The following FAAH2 variants were observed in gnomAD, a reference collection of about 807,000 sequenced individuals.
FAAH2 encodes the protein fatty-acid amide hydrolase 2.
Under a neutral mutation model 36.9 loss-of-function variants are expected in FAAH2, and 60 were observed. The ratio of observed to expected loss-of-function variants is 1.63; its 90% CI spans 1.32 to 2.02. The LOEUF is 2.02. Ranked by LOEUF, FAAH2 falls within the 30% of genes most tolerant of loss-of-function variation. The pLI, the probability that FAAH2 is intolerant of heterozygous loss-of-function variation, is 0.00. For synonymous variants in FAAH2, 214 were observed against 143.8 expected (o/e 1.49, Z -3.49); for missense variants, 689 against 397.5 (o/e 1.73, Z -6.23).
intron 10 of FAAH2, among the ~76,000 whole-genome samples, chrX:57,475,484 T>C (rs768128061): frequency 4.5e-5 from 5 of 112,124 alleles, no homozygotes; most frequent in Non-Finnish European, 9.4e-5. Flanking sequence ...GTCAGGTTTA[T>C]TGAAGATCAG....
At chrX:57,420,870 C>A in intron 7 of FAAH2, among the ~76,000 whole-genome samples, 1 of 111,586 alleles carries the variant, frequency 9.0e-6, no homozygotes, top group Middle Eastern at 4.6e-3. Flanking sequence ...TCATAGATAG[C>A]TCTTATTATT....
chrX:57,153,857 T>C, the FAAH2 span, among the ~76,000 whole-genome samples: 1 of 112,820 alleles, frequency 8.9e-6, no homozygotes, highest in South Asian at 3.6e-4. Context: ...CTTTTTGAGA[T>C]GAATTTCCCA....
At chrX:57,218,051 T>C in the FAAH2 span, among the ~76,000 whole-genome samples, 2 of 112,198 alleles carry the variant, frequency 1.8e-5, no homozygotes, top group African/African-American at 6.5e-5. Flanking sequence ...TAATCTTGTA[T>C]CCAGAAACTT....
At chrX:57,355,693 A>G (rs1329169166) in intron 5 of FAAH2, among the ~76,000 whole-genome samples, 2 of 109,398 alleles carry the variant, frequency 1.8e-5, no homozygotes, top group Admixed American at 2.0e-4. Flanking sequence ...CTCTTTATGG[A>G]CTCTTTAGGG....
intron 7 of FAAH2, chrX:57,393,378 GA>G: frequency 1.4e-6 from 1 of 729,273 alleles, no homozygotes; most frequent in Non-Finnish European, 2.2e-6. Flanking sequence ...TGAGGGTGGA[GA>G]CCGGAATACT....
Position 57,292,876 on chromosome X carries a change from A to G in FAAH2, c.275+296A>G, listed in dbSNP as rs749604494. Among the ~76,000 whole-genome samples the G allele has an allele frequency of 3.6e-5, 4 of 111,766 alleles. No homozygotes were observed. The East Asian group carries it at 1.1e-3, about 31-fold the overall frequency. On this transcript the variant is annotated intron_variant, in intron 2 of 10. Coordinates refer to ENST00000374900, the MANE Select transcript of FAAH2 (RefSeq NM_174912.4). ...TCTACAGTTTGGTAGGCATCATTGA[A>G]CATTTACTGAATAGATTAATATTTG...
At chrX:57,442,884 G>T (rs1271353630) in intron 8 of FAAH2, among the ~76,000 whole-genome samples, 1 of 110,519 alleles carries the variant, frequency 9.0e-6, no homozygotes, top group African/African-American at 3.3e-5. Flanking sequence ...AGTTTGGCTG[G>T]ATATGAAATT....
chrX:57,479,543 A>G (rs1345099823), intron 10 of FAAH2, among the ~76,000 whole-genome samples: 1 of 111,343 alleles, frequency 9.0e-6, no homozygotes. Context: ...AGGAGTGGTG[A>G]GAGAGGGCAT....
the FAAH2 span, among the ~76,000 whole-genome samples, chrX:57,124,463 C>G: frequency 9.0e-6 from 1 of 111,605 alleles, no homozygotes; most frequent in Non-Finnish European, 1.9e-5. Context: ...GTTCTTTTGG[C>G]TTAGGTTTGA....
At chrX:57,353,995 C>A (rs2054097365) in intron 5 of FAAH2, among the ~76,000 whole-genome samples, 1 of 110,359 alleles carries the variant, frequency 9.1e-6, no homozygotes, top group African/African-American at 3.3e-5. Context: ...ACACATTGTG[C>A]CAATATAAAC....
At chrX:57,382,480 A>G (rs1478986535) in intron 7 of FAAH2, among the ~76,000 whole-genome samples, 1 of 112,049 alleles carries the variant, frequency 8.9e-6, no homozygotes, top group Non-Finnish European at 1.9e-5. Flanking sequence ...GCAATAAAAA[A>G]TTATGAAGGG....
intron 8 of FAAH2, among the ~76,000 whole-genome samples, chrX:57,446,710 C>T (rs1448663329): frequency 1.8e-5 from 2 of 111,426 alleles, no homozygotes; most frequent in Non-Finnish European, 3.8e-5. Context: ...TTTCACTAGG[C>T]ACAATATTTC....
rs140899302 is a variant in FAAH2, at chrX:57,412,551, C to G, written c.997-19367C>G. Among the ~76,000 whole-genome samples the G allele has an allele frequency of 4.9e-3, 549 of 112,041 alleles. 4 individuals carry two copies. The highest frequency in any genetic ancestry group is 0.017 in the African/African-American group (534 of 30,879). On this transcript the variant is annotated intron_variant, in intron 7 of 10. Transcript: ENST00000374900. ...TCCATCTTCCTGCAAAGGACATGAACTCATCCTTCTTTTCTGGCTGCATAG... is the reference window on the plus strand; with the variant it reads ...TCCATCTTCCTGCAAAGGACATGAAGTCATCCTTCTTTTCTGGCTGCATAG...
chrX:57,254,193 G>A, the FAAH2 span, among the ~76,000 whole-genome samples: 3 of 111,477 alleles, frequency 2.7e-5, no homozygotes, highest in African/African-American at 9.8e-5. Context: ...TTACATAATG[G>A]TAAAGGGATC....
intron 8 of FAAH2, among the ~76,000 whole-genome samples, chrX:57,442,404 C>T (rs2056579534): frequency 9.0e-6 from 1 of 111,338 alleles, no homozygotes; most frequent in African/African-American, 3.3e-5. Context: ...GGTTTAAAGT[C>T]TGTTTTATCA....
At chrX:57,340,015 C>T (rs2053648581) in intron 4 of FAAH2, among the ~76,000 whole-genome samples, 1 of 111,241 alleles carries the variant, frequency 9.0e-6, no homozygotes, top group Admixed American at 9.5e-5. Context: ...CACAATAGGC[C>T]GTCTGCAAGC....
At chrX:57,129,154 G>C in the FAAH2 span, among the ~76,000 whole-genome samples, 1 of 111,711 alleles carries the variant, frequency 9.0e-6, no homozygotes, top group Non-Finnish European at 1.9e-5. Context: ...AAAAGAGTGA[G>C]ATCAGATAGA....
chrX:57,409,278 C>T (rs1195354978), intron 7 of FAAH2, among the ~76,000 whole-genome samples: 1 of 111,313 alleles, frequency 9.0e-6, no homozygotes, highest in Non-Finnish European at 1.9e-5. Context: ...TTGTATTATC[C>T]TTTTAACATG....
Position 57,413,197 on chromosome X carries a change from T to G in FAAH2, c.997-18721T>G, listed in dbSNP as rs188624248. Among the ~76,000 whole-genome samples, 278 of 112,351 alleles carry G rather than the reference T, an allele frequency of 2.5e-3. 2 individuals carry two copies. The highest frequency in any genetic ancestry group is 8.6e-3 in the African/African-American group (267 of 30,960). On this transcript the variant is annotated intron_variant, in intron 7 of 10. Transcript: ENST00000374900. ...TTGCCTGTTCTCTCTGATGATAGTT[T>G]CTTTGCTATGCTGAAGCTCTTTAGT...
Sources: gnomAD v4.1 joint callset for allele counts (sites outside exome capture counted in the v4.1 genomes callset) on GRCh38, gnomAD v4.1.1 for gene constraint, MANE v1.5 for transcripts, NCBI Gene and HGNC (gene_info 2026-07-23, HGNC 2026-07-21) for gene names.